Variants in STK32B observed in about 807,000 individuals in gnomAD.
STK32B encodes the protein serine/threonine-protein kinase 32B.
STK32B carries 43 observed loss-of-function variants against 52.6 expected under a neutral mutation model. That is an observed-to-expected ratio of 0.82 (90% CI 0.64 to 1.05). The LOEUF is 1.05. Among genes scored for constraint, STK32B ranks in the 50% least tolerant of loss-of-function variants. The pLI, the probability that STK32B is intolerant of heterozygous loss-of-function variation, is 0.00. For missense variants in STK32B, 621 were observed against 534.6 expected (o/e 1.16, Z -1.59); for synonymous variants, 238 against 204.3 (o/e 1.17, Z -1.41).
At chr4:5,084,322 T>C (rs928662266) in intron 1 of STK32B, among the ~76,000 whole-genome samples, 1 of 152,202 alleles carries the variant, frequency 6.6e-6, no homozygotes, top group Non-Finnish European at 1.5e-5. Context: ...CTGAGCGCCT[T>C]CTGCCAAACT....
At chr4:5,326,827 C>T (rs563963149) in intron 3 of STK32B, among the ~76,000 whole-genome samples, 3 of 152,126 alleles carry the variant, frequency 2.0e-5, no homozygotes, top group Non-Finnish European at 4.4e-5. Flanking sequence ...AAGCTTTCCA[C>T]GATGATGGAG....
At chr4:5,346,126 G>T (rs1342606528) in intron 4 of STK32B, among the ~76,000 whole-genome samples, 1 of 152,216 alleles carries the variant, frequency 6.6e-6, no homozygotes, top group Non-Finnish European at 1.5e-5. Flanking sequence ...AATTTTCTGT[G>T]TCTGTCTTAG....
intron 3 of STK32B, among the ~76,000 whole-genome samples, chr4:5,303,966 T>C (rs562383391): frequency 1.3e-5 from 2 of 152,306 alleles, no homozygotes; most frequent in East Asian, 3.9e-4. Context: ...TTTGTTTGCC[T>C]TGTCAAAGAT....
At chr4:5,346,389 C>G (rs1473345441) in intron 4 of STK32B, among the ~76,000 whole-genome samples, 2 of 152,142 alleles carry the variant, frequency 1.3e-5, no homozygotes, top group African/African-American at 4.8e-5. Context: ...GGGCAGTATC[C>G]CACCCTCTCT....
intron 5 of STK32B, among the ~76,000 whole-genome samples, chr4:5,405,462 TC>T (rs765874943): frequency 1.2e-4 from 19 of 152,266 alleles, no homozygotes; most frequent in South Asian, 4.1e-4. Context: ...GAAACTGTAA[TC>T]CCCAAGGTGA....
intron 5 of STK32B, among the ~76,000 whole-genome samples, chr4:5,407,919 G>T (rs1737784370): frequency 6.6e-6 from 1 of 152,106 alleles, no homozygotes; most frequent in Non-Finnish European, 1.5e-5. Context: ...GAACCTGCAT[G>T]AATGGGATAA....
chr4:5,352,514 C>T (rs1484515659), intron 4 of STK32B, among the ~76,000 whole-genome samples: 1 of 151,646 alleles, frequency 6.6e-6, no homozygotes, highest in African/African-American at 2.4e-5. Context: ...AGCTGAAATC[C>T]TTTCCCCTAG....
At chr4:5,298,754 C>T (rs888130742) in intron 3 of STK32B, among the ~76,000 whole-genome samples, 1 of 152,014 alleles carries the variant, frequency 6.6e-6, no homozygotes, top group Non-Finnish European at 1.5e-5. Flanking sequence ...CTGAGCAAGA[C>T]CACTTGGCTC....
At chr4:5,451,847 C>G (rs1716029991) in intron 7 of STK32B, among the ~76,000 whole-genome samples, 2 of 152,206 alleles carry the variant, frequency 1.3e-5, no homozygotes, top group African/African-American at 4.8e-5. Context: ...ACCAGGAGGA[C>G]TAAGTGGGAT....
chr4:5,499,157 T>C lies in STK32B; in HGVS notation c.*74T>C. ...CCACCCAGAGCCCCTCTTTGTGCCC[T>C]GATGGTCCCTGTCTCACCCCTGAAA... On this transcript the variant is annotated 3_prime_UTR_variant, in exon 12 of 12. Transcript: ENST00000282908. 4 of 1,495,820 alleles carry C rather than the reference T, an allele frequency of 2.7e-6. No homozygotes were observed. The highest frequency in any genetic ancestry group is 1.4e-5 in the South Asian group (1 of 73,062). The allele number at this position is 1,495,820 out of a possible 1,614,324, so 92.7% of individuals were successfully genotyped here. A position where few individuals can be genotyped will look rare whatever the true frequency, so the allele number is the denominator to read the frequency against.
chr4:5,173,046 A>G (rs1719522419), intron 3 of STK32B, among the ~76,000 whole-genome samples: 1 of 152,186 alleles, frequency 6.6e-6, no homozygotes, highest in African/African-American at 2.4e-5. Context: ...GGGAGAGTGT[A>G]TGTGTCGAGG....
chr4:5,192,687 T>G (rs1560212480), intron 3 of STK32B, among the ~76,000 whole-genome samples: 2 of 152,160 alleles, frequency 1.3e-5, no homozygotes, highest in Non-Finnish European at 1.5e-5. Context: ...CTCAAGCTGA[T>G]TAACCCATCC....
At chr4:5,062,081 C>T (rs779319636) in intron 1 of STK32B, among the ~76,000 whole-genome samples, 2 of 152,136 alleles carry the variant, frequency 1.3e-5, no homozygotes, top group Non-Finnish European at 2.9e-5. Flanking sequence ...CAGAACTCCT[C>T]TCCTCAGTAT....
intron 4 of STK32B, among the ~76,000 whole-genome samples, chr4:5,361,124 G>C (rs1011127493): frequency 1.1e-4 from 17 of 152,132 alleles, no homozygotes; most frequent in African/African-American, 4.1e-4. Flanking sequence ...ATATCTGCAA[G>C]GTTCATATAT....
intron 11 of STK32B, among the ~76,000 whole-genome samples, chr4:5,487,233 A>G (rs1054320558): frequency 6.6e-6 from 1 of 152,192 alleles, no homozygotes; most frequent in African/African-American, 2.4e-5. Flanking sequence ...AAAGGCCAGA[A>G]GGAAAAATCT....
Position 5,176,025 on chromosome 4 carries a change from T to G in STK32B, c.260+7575T>G, listed in dbSNP as rs540339341. Among the ~76,000 whole-genome samples, 102 of 152,342 alleles carry G rather than the reference T, an allele frequency of 6.7e-4. 1 individual carries two copies. Among genetic ancestry groups the G allele is most frequent in the African/African-American group, 2.3e-3 (97 of 41,586 alleles). ...GTGGGCGCCCCTCCCCAAGCCTCGC[T>G]GTGGCCTTGCAGTTAGATCTCAGAC... On this transcript the variant is annotated intron_variant, in intron 3 of 11. Transcript: ENST00000282908.
At chr4:5,160,985 G>A (rs1038221351) in intron 2 of STK32B, among the ~76,000 whole-genome samples, 22 of 152,178 alleles carry the variant, frequency 1.4e-4, no homozygotes, top group African/African-American at 3.6e-4. Flanking sequence ...AGCAGAGGTC[G>A]CTGTGGGGAG....
the STK32B span, among the ~76,000 whole-genome samples, chr4:5,023,304 G>A: frequency 2.0e-5 from 3 of 152,126 alleles, no homozygotes; most frequent in African/African-American, 7.2e-5. Flanking sequence ...TGTCTCTCTG[G>A]GGTTTGGTAG....
intron 11 of STK32B, among the ~76,000 whole-genome samples, chr4:5,497,937 C>T (rs1224321489): frequency 6.6e-6 from 1 of 152,044 alleles, no homozygotes; most frequent in Non-Finnish European, 1.5e-5. Context: ...ACCTCTTTTT[C>T]AGAACAAGGT....
Sources: gnomAD v4.1 joint callset for allele counts (sites outside exome capture counted in the v4.1 genomes callset) on GRCh38, gnomAD v4.1.1 for gene constraint, MANE v1.5 for transcripts, NCBI Gene and HGNC (gene_info 2026-07-23, HGNC 2026-07-21) for gene names.